Variants in ACTL6A observed in about 807,000 individuals in gnomAD.
ACTL6A encodes actin-like protein 6A.
Under a neutral mutation model 59.2 loss-of-function variants are expected in ACTL6A, and 5 were observed. That is an observed-to-expected ratio of 0.08 (90% CI 0.04 to 0.18). The LOEUF is 0.18. Ranked by LOEUF, ACTL6A falls within the 10% of genes least tolerant of loss-of-function variation. ACTL6A has a pLI of 1.00. For synonymous variants in ACTL6A, 154 were observed against 171.8 expected (o/e 0.90, Z 0.81); for missense variants, 285 against 526.9 (o/e 0.54, Z 4.49).
chr3:179,565,104 T>C (rs1248766433), intron 1 of ACTL6A, among the ~76,000 whole-genome samples: 2 of 152,124 alleles, frequency 1.3e-5, no homozygotes, highest in South Asian at 2.1e-4. Context: ...GCATCTTATA[T>C]TGATCAGAAA....
chr3:179,576,193 C>G, intron 5 of ACTL6A, 24 bp from the exon 6 acceptor site: 2 of 1,580,550 alleles, frequency 1.3e-6, no homozygotes, highest in Non-Finnish European at 1.7e-6. Context: ...TTGATACTTT[C>G]TTTTCCTTAA....
chr3:179,563,243 C>G (rs1560007929), intron 1 of ACTL6A, 126 bp downstream of exon 1: 1 of 1,432,512 alleles, frequency 7.0e-7, no homozygotes, highest in East Asian at 2.5e-5. Flanking sequence ...CCGGCCTCCC[C>G]GCCCCGTCCC....
chr3:179,582,962 C>G (rs895338588), intron 11 of ACTL6A, among the ~76,000 whole-genome samples: 24 of 152,042 alleles, frequency 1.6e-4, no homozygotes, highest in African/African-American at 5.8e-4. Flanking sequence ...GCATGTAGTC[C>G]CAGCTACTTG....
At position 179,576,262 on chromosome 3, in the gene ACTL6A, C is replaced by T; in HGVS notation, c.522C>T (p.Ala174=). ...CTGGGCTGATTTTGGACAGTGGAGCCACTCATACCACTGCAATTCCAGTCC... is the reference window on the plus strand; with the variant it reads ...CTGGGCTGATTTTGGACAGTGGAGCTACTCATACCACTGCAATTCCAGTCC... ...RSTGLILDSG[A]THTTAIPVHD... Residue 174 remains alanine (A), a synonymous_variant, in exon 6 of 14, where the codon GCC becomes GCT. Transcript: ENST00000429709. The T allele has an allele frequency of 6.2e-7, 1 of 1,611,344 alleles. No homozygotes were observed. The highest frequency in any genetic ancestry group is 8.5e-7 in the Non-Finnish European group (1 of 1,179,334).
rs1718103831 is a variant in ACTL6A, at chr3:179,574,356, C to T, written c.379-14C>T. The T allele has an allele frequency of 6.5e-7, 1 of 1,537,676 alleles. No homozygotes were observed. The highest frequency in any genetic ancestry group is 1.4e-5 in the African/African-American group (1 of 73,368). ...TTCTTAATAACTTGCATTTCTTTTT[C>T]CCCTCTTCTCAAGTGGAATACTAGA... On this transcript the variant is annotated splice_polypyrimidine_tract_variant and intron_variant, in intron 4 of 13. Transcript: ENST00000429709.
In ACTL6A at chr3:179,575,024, G is replaced by A. The variant is rs1718124298; in HGVS notation, c.476+557G>A. The A allele has an allele frequency of 1.6e-5, 3 of 191,376 alleles. No individual in the cohort carries two copies. In the South Asian group the frequency reaches 2.8e-4, roughly 18 times the overall value. 11.9% of individuals were successfully genotyped at this position (191,376 alleles called of 1,614,324 possible). A position where few individuals can be genotyped will look rare whatever the true frequency, so the allele number is the denominator to read the frequency against. On this transcript the variant is annotated intron_variant, in intron 5 of 13. Transcript: ENST00000429709. ...CTATTTTTATTTATTTATTTATTTG[G>A]TAGAGATGGAGTTTCGCCATGTTGC...
At chr3:179,586,466 TGAAAA>T (rs1718492592) in intron 12 of ACTL6A, 75 bp from the exon 13 acceptor site, 21 of 678,634 alleles carry the variant, frequency 3.1e-5, no homozygotes, top group Non-Finnish European at 3.6e-5. Flanking sequence ...TGTCTCTATT[TGAAAA>T]AAAAAAAAAA....
intron 5 of ACTL6A, 76 bp from the exon 6 acceptor site, chr3:179,576,138 CATT>C (rs1230838115): frequency 8.0e-6 from 8 of 1,003,948 alleles, no homozygotes; most frequent in Middle Eastern, 2.1e-4. Flanking sequence ...GTTTCTGAAA[CATT>C]ATAAGAGCCT....
At chr3:179,567,069 C>G (rs1717858579) in intron 1 of ACTL6A, among the ~76,000 whole-genome samples, 1 of 152,156 alleles carries the variant, frequency 6.6e-6, no homozygotes, top group African/African-American at 2.4e-5. Context: ...ATTACTTCTT[C>G]AAAGATTCTG....
intron 1 of ACTL6A, among the ~76,000 whole-genome samples, chr3:179,563,543 C>T (rs902601473): frequency 8.5e-5 from 13 of 152,180 alleles, no homozygotes; most frequent in African/African-American, 3.1e-4. Context: ...AAGGTCCCGG[C>T]GGTTTGCAAG....
At position 179,578,153 on chromosome 3, in the gene ACTL6A, C is replaced by G. The variant is rs550257992; in HGVS notation, c.768+1240C>G. ...TGGCAAAACCCTGTCTCTACAAAAA[C>G]AGAAAAATTAGCTAAGTGGGGCCGG... On this transcript the variant is annotated intron_variant, in intron 8 of 13. Coordinates refer to ENST00000429709, the MANE Select transcript of ACTL6A (RefSeq NM_004301.5). Among the ~76,000 whole-genome samples the G allele has an allele frequency of 3.9e-5, 6 of 152,104 alleles. No individual in the cohort carries two copies. In the South Asian group the frequency reaches 1.2e-3, roughly 32 times the overall value.
At chr3:179,579,524 C>G (rs1054568055) in intron 8 of ACTL6A, among the ~76,000 whole-genome samples, 3 of 151,570 alleles carry the variant, frequency 2.0e-5, no homozygotes, top group Non-Finnish European at 2.9e-5. Flanking sequence ...CACGGTGGCT[C>G]ATGCCTGTAA....
intron 4 of ACTL6A, among the ~76,000 whole-genome samples, chr3:179,573,746 A>G (rs2108360498): frequency 6.6e-6 from 1 of 152,180 alleles, no homozygotes; most frequent in East Asian, 1.9e-4. Context: ...TTAACATTTT[A>G]TTTCCTAGGA....
Position 179,570,737 on chromosome 3 carries a change from G to A in ACTL6A, c.277+496G>A, listed in dbSNP as rs116343341. Among the ~76,000 whole-genome samples the A allele has an allele frequency of 1.3e-5, 2 of 152,136 alleles. No homozygotes were observed. The highest frequency in any genetic ancestry group is 2.9e-5 in the Non-Finnish European group (2 of 68,008). On this transcript the variant is annotated intron_variant, in intron 3 of 13. Transcript: ENST00000429709. This position sits in a 1 kb window ranked among gnomAD's most constrained non-coding sequence, Gnocchi z 4.3. The stretch of plus-strand genomic sequence containing the variant: ...CAATTAAGTATGGTTGCAGCATTGG[G>A]CTTATTAGGGTCAGTAGCAGGAAAG...
intron 12 of ACTL6A, 83 bp from the exon 13 acceptor site, chr3:179,586,463 A>G: frequency 1.1e-6 from 1 of 901,838 alleles, no homozygotes; most frequent in Non-Finnish European, 1.6e-6. Flanking sequence ...CCCTGTCTCT[A>G]TTTGAAAAAA....
chr3:179,563,453 G>A (rs1419521688), intron 1 of ACTL6A, among the ~76,000 whole-genome samples: 1 of 152,242 alleles, frequency 6.6e-6, no homozygotes, highest in Non-Finnish European at 1.5e-5. Flanking sequence ...CGGCTTGGGT[G>A]ACCGCCCCAG....
At chr3:179,563,194 C>G (rs2108349958) in intron 1 of ACTL6A, 77 bp downstream of exon 1, 1 of 1,537,194 alleles carries the variant, frequency 6.5e-7, no homozygotes, top group South Asian at 1.2e-5. Flanking sequence ...CAGCCCTCCC[C>G]TCCCCGGCGT....
chr3:179,587,943 A>C lies in ACTL6A; in HGVS notation c.1223A>C (p.Gln408Pro). ...SILASLGTFQ[Q>P]MWISKQEYEE... The stretch of plus-strand genomic sequence containing the variant: ...TCCATTTTACAGGGTACCTTTCAAC[A>C]GATGTGGATTTCCAAGCAAGAATAT... The change falls in exon 14 of 14, where the codon CAG becomes CCG. Residue 408 changes from glutamine (Q) to proline (P), a missense_variant. Coordinates refer to ENST00000429709, the MANE Select transcript of ACTL6A (RefSeq NM_004301.5). 6.2e-7 allele frequency: 1 copy of C among 1,606,632 alleles called. No homozygotes were observed. Among genetic ancestry groups the C allele is most frequent in the Non-Finnish European group, 8.5e-7 (1 of 1,178,154 alleles).
chr3:179,584,692 G>A (rs541873771), intron 12 of ACTL6A, among the ~76,000 whole-genome samples: 2 of 152,010 alleles, frequency 1.3e-5, no homozygotes, highest in Non-Finnish European at 2.9e-5. Flanking sequence ...GGCTGAGACA[G>A]CAGAATCGCT....
Sources: allele counts gnomAD v4.1 joint callset (sites outside exome capture counted in the v4.1 genomes callset), GRCh38; gene constraint gnomAD v4.1.1; non-coding constraint Gnocchi (gnomAD v3.1); transcripts MANE v1.5; gene names NCBI Gene and HGNC (gene_info 2026-07-23, HGNC 2026-07-21).